The following CORO1C variants were observed in gnomAD, a reference collection of about 807,000 sequenced individuals.
CORO1C encodes coronin 1C.
A neutral mutation model predicts 51.2 loss-of-function variants in CORO1C; 14 were observed. That is an observed-to-expected ratio of 0.27 (90% CI 0.18 to 0.43). CORO1C has a LOEUF of 0.43. CORO1C is among the 20% of genes least tolerant of loss of function. The pLI is 1.00. For synonymous variants in CORO1C, 181 were observed against 210.5 expected, an observed-to-expected ratio of 0.86 and a Z score of 1.21; for missense variants, 417 against 607.8, an observed-to-expected ratio of 0.69 and a Z score of 3.30.
intron 3 of CORO1C, chr12:108,668,560 GGATTA>G (rs1329886350): frequency 6.6e-6 from 1 of 152,174 alleles, no homozygotes; most frequent in Non-Finnish European, 1.5e-5. Flanking sequence ...AAGCAAAAAT[GGATTA>G]GATAGGGTAT....
intron 1 of CORO1C, among the ~76,000 whole-genome samples, chr12:108,727,998 T>A (rs1279512859): frequency 2.0e-5 from 3 of 152,218 alleles, no homozygotes; most frequent in Non-Finnish European, 4.4e-5. Context: ...ATGCTCAACA[T>A]CATTAGCCAT....
In CORO1C at chr12:108,720,196, A is replaced by G. The variant is rs142531143; in HGVS notation, c.-6+11233T>C. Among the ~76,000 whole-genome samples the G allele has an allele frequency of 4.7e-3, 712 of 152,170 alleles. 4 individuals are homozygous for G. The highest frequency in any genetic ancestry group is 0.016 in the African/African-American group (663 of 41,486). ...GCAAGACCCTGTCTCAAACACTCATACAGACACACACACACGCACACACAA... is the reference window on the plus strand; with the variant it reads ...GCAAGACCCTGTCTCAAACACTCATGCAGACACACACACACGCACACACAA... On this transcript the variant is annotated intron_variant, in intron 1 of 10. Coordinates refer to ENST00000261401, the MANE Select transcript of CORO1C (RefSeq NM_014325.4).
chr12:108,701,586 T>A (rs1005791997), intron 1 of CORO1C: 3 of 483,738 alleles, frequency 6.2e-6, no homozygotes, highest in Non-Finnish European at 1.1e-5. Flanking sequence ...TTAATTTCAA[T>A]GGAAAGATTA....
intron 1 of CORO1C, among the ~76,000 whole-genome samples, chr12:108,726,615 G>A (rs1465721834): frequency 6.8e-6 from 1 of 147,540 alleles, no homozygotes; most frequent in Non-Finnish European, 1.5e-5. Context: ...TTCAAGACCA[G>A]CCTATACAAC....
intron 2 of CORO1C, among the ~76,000 whole-genome samples, chr12:108,685,119 T>TA (rs1320769899): frequency 5.3e-5 from 8 of 152,216 alleles, no homozygotes; most frequent in Non-Finnish European, 1.0e-4. Context: ...TAGTTGTTCT[T>TA]AATTACATAC....
chr12:108,659,926 T>G (rs2033185932), intron 4 of CORO1C, among the ~76,000 whole-genome samples: 2 of 152,210 alleles, frequency 1.3e-5, no homozygotes, highest in African/African-American at 2.4e-5. Context: ...CAATGTCAAC[T>G]CATTCACCAT....
intron 2 of CORO1C, among the ~76,000 whole-genome samples, chr12:108,700,011 A>G (rs1331124302): frequency 6.6e-6 from 1 of 152,208 alleles, no homozygotes; most frequent in Non-Finnish European, 1.5e-5. Flanking sequence ...CATTTTCCCA[A>G]TGAGAGTTTT....
chr12:108,672,050 AC>A, intron 3 of CORO1C, among the ~76,000 whole-genome samples: 1 of 152,324 alleles, frequency 6.6e-6, no homozygotes, highest in Admixed American at 6.5e-5. Flanking sequence ...GGTGTGAGGC[AC>A]TGTCCCTGCC....
chr12:108,681,815 A>G (rs1375668660), intron 2 of CORO1C, among the ~76,000 whole-genome samples: 1 of 152,194 alleles, frequency 6.6e-6, no homozygotes, highest in Non-Finnish European at 1.5e-5. Flanking sequence ...AACAACAGTG[A>G]GCAAATAAAT....
intron 1 of CORO1C, among the ~76,000 whole-genome samples, chr12:108,714,433 A>C (rs1157592079): frequency 6.7e-6 from 1 of 150,136 alleles, no homozygotes; most frequent in Non-Finnish European, 1.5e-5. Flanking sequence ...AACCTGAAAG[A>C]GCATGCATAA....
intron 2 of CORO1C, among the ~76,000 whole-genome samples, chr12:108,690,747 A>G (rs2034466586): frequency 6.6e-6 from 1 of 152,232 alleles, no homozygotes; most frequent in South Asian, 2.1e-4. Flanking sequence ...TTCTGGGCTG[A>G]GAACAAATAA....
rs771031880 is a variant in CORO1C, at chr12:108,654,300, G to C, written c.855+6C>G. 7.0e-6 allele frequency: 11 copies of C among 1,576,584 alleles called. No individual in the cohort carries two copies. Among genetic ancestry groups the C allele is most frequent in the Non-Finnish European group, 9.6e-6 (11 of 1,146,746 alleles). On this transcript the variant is annotated splice_donor_region_variant and intron_variant, in intron 7 of 10. Coordinates refer to ENST00000261401, the MANE Select transcript of CORO1C (RefSeq NM_014325.4). Reference sequence around the variant, plus strand: ...TTTAACACCAAACATCAAAATTACTGTTTACCTTTCCACATAAGTAAATGA... The same window carrying C: ...TTTAACACCAAACATCAAAATTACTCTTTACCTTTCCACATAAGTAAATGA...
In CORO1C at chr12:108,731,120, A is replaced by AC. The variant is rs2035714168; in HGVS notation, c.-6+308dup. The AC allele has an allele frequency of 6.5e-6, 1 of 152,880 alleles. No homozygotes were observed. The highest frequency in any genetic ancestry group is 2.4e-5 in the African/African-American group (1 of 41,148). The allele number at this position is 152,880 out of a possible 1,614,324, so 9.5% of individuals were successfully genotyped here. A position where few individuals can be genotyped will look rare whatever the true frequency, so the allele number is the denominator to read the frequency against. On this transcript the variant is annotated intron_variant, in intron 1 of 10. Coordinates refer to ENST00000261401, the MANE Select transcript of CORO1C (RefSeq NM_014325.4). The surrounding 1 kb of genome is among the most constrained non-coding windows in gnomAD (Gnocchi z 5.2). The stretch of plus-strand genomic sequence containing the variant: ...GTCCCACCTCGGCCCGCGGCTCCGC[A>AC]CCCGGCCAGGAGCGTTCCGGACCTC...
At chr12:108,661,959 T>G in intron 4 of CORO1C, 70 bp downstream of exon 4, 1 of 1,581,628 alleles carries the variant, frequency 6.3e-7, no homozygotes, top group East Asian at 2.2e-5. Flanking sequence ...CCAAAACACA[T>G]TTGCTTCCCC....
intron 2 of CORO1C, among the ~76,000 whole-genome samples, chr12:108,700,281 T>C (rs2034826013): frequency 6.6e-6 from 1 of 152,204 alleles, no homozygotes; most frequent in Admixed American, 6.5e-5. Flanking sequence ...ATTTTCCTCC[T>C]AAAAGCTAAC....
At chr12:108,680,126 C>T (rs747424130) in intron 2 of CORO1C, among the ~76,000 whole-genome samples, 2 of 152,172 alleles carry the variant, frequency 1.3e-5, no homozygotes, top group Non-Finnish European at 2.9e-5. Context: ...CAGACGTGAA[C>T]AAGGCAGTCC....
intron 7 of CORO1C, 62 bp downstream of exon 7, chr12:108,654,244 C>G: frequency 9.3e-7 from 1 of 1,079,128 alleles, no homozygotes; most frequent in South Asian, 1.3e-5. Flanking sequence ...TCCTCTAAAT[C>G]TCTGAAGGAT....
At chr12:108,719,739 A>G (rs928994256) in intron 1 of CORO1C, among the ~76,000 whole-genome samples, 26 of 152,324 alleles carry the variant, frequency 1.7e-4, no homozygotes, top group African/African-American at 6.3e-4. Flanking sequence ...GAAACTCAAA[A>G]AGAGAAAGAT....
intron 2 of CORO1C, among the ~76,000 whole-genome samples, chr12:108,692,541 G>C (rs1416526270): frequency 2.6e-5 from 4 of 152,188 alleles, no homozygotes; most frequent in Non-Finnish European, 5.9e-5. Context: ...TCCCTCTCAA[G>C]TAGCCCATGA....
Sources: allele counts gnomAD v4.1 joint callset (sites outside exome capture counted in the v4.1 genomes callset), GRCh38; gene constraint gnomAD v4.1.1; non-coding constraint Gnocchi (gnomAD v3.1); transcripts MANE v1.5; gene names NCBI Gene and HGNC (gene_info 2026-07-23, HGNC 2026-07-21).